Variants in ZC3H12C observed in about 807,000 individuals in gnomAD.
ZC3H12C encodes the protein probable ribonuclease ZC3H12C.
A neutral mutation model predicts 76.3 loss-of-function variants in ZC3H12C; 20 were observed. The observed-to-expected ratio is 0.26, with a 90% confidence interval of 0.18 to 0.38. The LOEUF (loss-of-function observed/expected upper bound fraction) is 0.38, where lower values mean the gene tolerates loss of function less well. Ranked by LOEUF, ZC3H12C falls within the 10% of genes least tolerant of loss-of-function variation. The pLI is 1.00. For missense variants in ZC3H12C, 874 were observed against 1,086.5 expected (o/e 0.80, Z 2.75); for synonymous variants, 352 against 399.6 (o/e 0.88, Z 1.42).
At chr11:110,114,402 G>A (rs1432429173) in intron 1 of ZC3H12C, among the ~76,000 whole-genome samples, 2 of 152,154 alleles carry the variant, frequency 1.3e-5, no homozygotes, top group Non-Finnish European at 2.9e-5. Context: ...GGCATCCCCT[G>A]TGTTTTACAG....
chr11:110,123,460 T>G (rs757114155), intron 1 of ZC3H12C, among the ~76,000 whole-genome samples: 4 of 152,246 alleles, frequency 2.6e-5, no homozygotes, highest in African/African-American at 7.2e-5. Context: ...TTTCTTTGTC[T>G]TTAGACCAGT....
At chr11:110,131,098 C>T in intron 1 of ZC3H12C, 1 of 1,535,314 alleles carries the variant, frequency 6.5e-7, no homozygotes, top group African/African-American at 1.4e-5. Flanking sequence ...TTTGTATTTT[C>T]CTGCTAACGT....
intron 3 of ZC3H12C, among the ~76,000 whole-genome samples, chr11:110,156,275 C>G (rs527692454): frequency 6.6e-6 from 1 of 152,260 alleles, no homozygotes; most frequent in South Asian, 2.1e-4. Flanking sequence ...ACAAAAAAGA[C>G]CCTTGATAAG....
In ZC3H12C at chr11:110,136,771, C is replaced by CA. The variant is rs776685534; in HGVS notation, c.131dup (p.His44GlnfsTer8). ...GGATCACCTAGGGCATGACCTCGGC[C>CA]ACCTTTATGTGGAGAGCACTGACCC... is the stretch of plus-strand genomic sequence containing the variant. On this transcript the variant is annotated frameshift_variant, in exon 2 of 6. Coordinates refer to ENST00000278590, the MANE Select transcript of ZC3H12C (RefSeq NM_033390.2). LOFTEE classifies it high-confidence loss of function. 142 of 1,613,796 alleles carry CA rather than the reference C, an allele frequency of 8.8e-5. No homozygotes were observed. Among genetic ancestry groups the CA allele is most frequent in the Admixed American group, 3.0e-4 (18 of 59,998 alleles).
Position 110,137,300 on chromosome 11 carries a change from G to A in ZC3H12C, c.659G>A (p.Arg220Gln), listed in dbSNP as rs370650723. 4.3e-6 allele frequency: 7 copies of A among 1,613,742 alleles called. No individual in the cohort carries two copies. The highest frequency in any genetic ancestry group is 5.9e-6 in the Non-Finnish European group (7 of 1,179,882). Residue 220 changes from arginine (R) to glutamine (Q), a missense_variant, in exon 2 of 6, where the codon CGG (arginine) becomes CAG (glutamine). By Grantham distance (43) the Arg-to-Gln change is conservative. Coordinates refer to ENST00000278590, the MANE Select transcript of ZC3H12C (RefSeq NM_033390.2). ...GTTAGTACAATTAACACTATAACAC[G>A]GGAAACTTCTTCCCTGGAATCTCAG... ...QTVSTINTIT[R>Q]ETSSLESQRS...
intron 2 of ZC3H12C, among the ~76,000 whole-genome samples, chr11:110,142,459 C>T (rs1862083625): frequency 6.6e-6 from 1 of 152,076 alleles, no homozygotes; most frequent in African/African-American, 2.4e-5. Flanking sequence ...TTAATAAGAC[C>T]TTTTTACATC....
intron 1 of ZC3H12C, among the ~76,000 whole-genome samples, chr11:110,107,388 TTTG>T (rs1376731710): frequency 6.6e-6 from 1 of 151,342 alleles, no homozygotes; most frequent in Non-Finnish European, 1.5e-5. Context: ...CTTTTTTTTG[TTTG>T]TTTTTTTCTG....
intron 1 of ZC3H12C, among the ~76,000 whole-genome samples, chr11:110,097,257 T>C (rs956483729): frequency 6.6e-6 from 1 of 152,214 alleles, no homozygotes; most frequent in Non-Finnish European, 1.5e-5. Context: ...TGACAATAAT[T>C]CTTATGCCCA....
At chr11:110,157,812 G>A (rs921403479) in intron 3 of ZC3H12C, among the ~76,000 whole-genome samples, 4 of 152,176 alleles carry the variant, frequency 2.6e-5, no homozygotes, top group Non-Finnish European at 5.9e-5. Flanking sequence ...TGCTGTGGCA[G>A]TTACAACCCT....
chr11:110,157,472 T>C (rs959539336), intron 3 of ZC3H12C, among the ~76,000 whole-genome samples: 8 of 150,768 alleles, frequency 5.3e-5, no homozygotes, highest in Admixed American at 2.6e-4. Flanking sequence ...TCTCGCTCTG[T>C]TGCCCAGGCT....
At chr11:110,116,946 C>T (rs1861537139) in intron 1 of ZC3H12C, among the ~76,000 whole-genome samples, 1 of 152,144 alleles carries the variant, frequency 6.6e-6, no homozygotes, top group African/African-American at 2.4e-5. Context: ...GTACTTTATA[C>T]TAGAATAAAT....
chr11:110,128,751 T>C (rs927783776), intron 1 of ZC3H12C, among the ~76,000 whole-genome samples: 2 of 152,112 alleles, frequency 1.3e-5, no homozygotes, highest in African/African-American at 4.8e-5. Context: ...GTTTTTCATA[T>C]TTATCCTACT....
At chr11:110,096,812 G>T (rs559514098) in intron 1 of ZC3H12C, among the ~76,000 whole-genome samples, 5 of 152,190 alleles carry the variant, frequency 3.3e-5, no homozygotes, top group Admixed American at 2.0e-4. Context: ...TGTCTGGCCA[G>T]GTAAGTTGAA....
chr11:110,158,611 C>T (rs1443003693), intron 3 of ZC3H12C, among the ~76,000 whole-genome samples: 1 of 152,108 alleles, frequency 6.6e-6, no homozygotes, highest in African/African-American at 2.4e-5. Context: ...TTATCTTTTA[C>T]TCAGTCTGAC....
At chr11:110,125,270 AGTGTGTGTGTGTGT>A (rs59512764) in intron 1 of ZC3H12C, among the ~76,000 whole-genome samples, 36,844 of 138,572 alleles carry the variant, frequency 0.27, 5,007 homozygotes, top group Middle Eastern at 0.32. Context: ...ATCTCTCACT[AGTGTGTGTGTGTGT>A]GTGTGTGTGT....
chr11:110,120,809 A>C (rs1409630028), intron 1 of ZC3H12C, among the ~76,000 whole-genome samples: 1 of 152,216 alleles, frequency 6.6e-6, no homozygotes, highest in Non-Finnish European at 1.5e-5. Context: ...GCAGCACTTA[A>C]ACATTGATCA....
intron 1 of ZC3H12C, among the ~76,000 whole-genome samples, chr11:110,112,264 T>C (rs1476750355): frequency 6.6e-6 from 1 of 152,174 alleles, no homozygotes; most frequent in Non-Finnish European, 1.5e-5. Context: ...CGTGGCACTA[T>C]CTTGGCTCAC....
chr11:110,143,146 A>T (rs995183032), intron 2 of ZC3H12C, among the ~76,000 whole-genome samples: 3 of 152,222 alleles, frequency 2.0e-5, no homozygotes, highest in Admixed American at 1.3e-4. Flanking sequence ...CCAGATCCCC[A>T]TGAGATGAAT....
intron 2 of ZC3H12C, among the ~76,000 whole-genome samples, chr11:110,147,008 C>G (rs1396894043): frequency 6.6e-6 from 1 of 152,182 alleles, no homozygotes; most frequent in Non-Finnish European, 1.5e-5. Context: ...GGTCACCTCG[C>G]GGTGGGTTTC....
Sources: allele counts gnomAD v4.1 joint callset (sites outside exome capture counted in the v4.1 genomes callset), GRCh38; gene constraint gnomAD v4.1.1; transcripts MANE v1.5; gene names NCBI Gene and HGNC (gene_info 2026-07-23, HGNC 2026-07-21).